PALM2AKAP2: variants seen among roughly 807,000 people sequenced by gnomAD.
PALM2AKAP2 encodes PALM2-AKAP2 fusion protein.
PALM2AKAP2 carries 37 observed loss-of-function variants against 71.5 expected under a neutral mutation model. The ratio of observed to expected loss-of-function variants is 0.52; its 90% CI spans 0.40 to 0.68. The LOEUF is 0.68. Among genes scored for constraint, PALM2AKAP2 ranks in the 30% least tolerant of loss-of-function variants. The pLI is 0.00. For missense variants in PALM2AKAP2, 1,224 were observed against 1,191.8 expected (o/e 1.03, Z -0.40); for synonymous variants, 468 against 478.8 (o/e 0.98, Z 0.29).
upstream of PALM2AKAP2, among the ~76,000 whole-genome samples, chr9:109,778,484 A>G (rs922298440): frequency 6.6e-6 from 1 of 152,244 alleles, no homozygotes; most frequent in African/African-American, 2.4e-5. Context: ...TTTGAAGAAA[A>G]GGATGGGCTT....
intron 1 of PALM2AKAP2, among the ~76,000 whole-genome samples, chr9:110,078,078 A>G (rs1345722206): frequency 6.6e-6 from 1 of 152,148 alleles, no homozygotes; most frequent in Non-Finnish European, 1.5e-5. Context: ...TCTCTGTTAT[A>G]ACTACATTTC....
At chr9:109,907,386 A>T (rs1463985508) in intron 3 of PALM2AKAP2, among the ~76,000 whole-genome samples, 2 of 152,086 alleles carry the variant, frequency 1.3e-5, no homozygotes, top group Non-Finnish European at 2.9e-5. Context: ...GACCTGAAAG[A>T]CTCATATTTC....
At chr9:110,008,318 C>A (rs941373814) in intron 6 of PALM2AKAP2, among the ~76,000 whole-genome samples, 4 of 151,982 alleles carry the variant, frequency 2.6e-5, no homozygotes, top group African/African-American at 9.7e-5. Flanking sequence ...AACCGTGCAA[C>A]TGGGCACAGT....
chr9:109,870,732 T>C (rs1829581852), intron 2 of PALM2AKAP2, among the ~76,000 whole-genome samples: 2 of 152,240 alleles, frequency 1.3e-5, no homozygotes, highest in South Asian at 4.1e-4. Flanking sequence ...TTTGGAATAA[T>C]TCATTTAGTG....
intron 2 of PALM2AKAP2, among the ~76,000 whole-genome samples, chr9:109,876,228 G>A (rs1414442046): frequency 1.3e-5 from 2 of 152,136 alleles, no homozygotes; most frequent in African/African-American, 2.4e-5. Flanking sequence ...AGCTAGCACA[G>A]TATAGGGGAC....
chr9:109,875,844 C>A (rs947732130), intron 2 of PALM2AKAP2, among the ~76,000 whole-genome samples: 1 of 152,186 alleles, frequency 6.6e-6, no homozygotes, highest in Non-Finnish European at 1.5e-5. Flanking sequence ...CCAGTAGAGC[C>A]AGAAACAGAT....
chr9:109,653,552 A>T (rs1827254630), intron 1 of PALM2AKAP2, among the ~76,000 whole-genome samples: 2 of 152,192 alleles, frequency 1.3e-5, no homozygotes, highest in Admixed American at 6.5e-5. Flanking sequence ...AGACATTAAT[A>T]ATAAGGTCTC....
intron 6 of PALM2AKAP2, among the ~76,000 whole-genome samples, chr9:109,971,683 C>CCCAGAGT (rs1832072131): frequency 6.6e-6 from 1 of 152,196 alleles, no homozygotes; most frequent in Admixed American, 6.5e-5. Context: ...GCCTCAGCCT[C>CCCAGAGT]CCAGAGTGCT....
intron 7 of PALM2AKAP2, among the ~76,000 whole-genome samples, chr9:110,027,610 G>C (rs1027383674): frequency 6.6e-6 from 1 of 152,194 alleles, no homozygotes; most frequent in African/African-American, 2.4e-5. Context: ...AAAACCGTTT[G>C]AAAAGGGTAC....
chr9:109,864,060 C>CA (rs60061350), intron 1 of PALM2AKAP2, among the ~76,000 whole-genome samples: 23,505 of 139,452 alleles, frequency 0.17, 1,996 homozygotes, highest in East Asian at 0.28. Context: ...GACTCTGTCT[C>CA]AAAAAAAAAA....
chr9:109,660,732 G>A (rs372129088), intron 1 of PALM2AKAP2, among the ~76,000 whole-genome samples: 3 of 152,240 alleles, frequency 2.0e-5, no homozygotes, highest in African/African-American at 7.2e-5. Flanking sequence ...GATCCTTGAG[G>A]AAACCCCACA....
At chr9:109,736,439 T>C (rs1162890630) in intron 1 of PALM2AKAP2, among the ~76,000 whole-genome samples, 1 of 152,186 alleles carries the variant, frequency 6.6e-6, no homozygotes, top group Non-Finnish European at 1.5e-5. Flanking sequence ...AGACCACCAC[T>C]CAGTCACTAT....
At chr9:109,760,065 C>A (rs1829027702) in intron 1 of PALM2AKAP2, among the ~76,000 whole-genome samples, 1 of 152,164 alleles carries the variant, frequency 6.6e-6, no homozygotes, top group Admixed American at 6.6e-5. Flanking sequence ...ACCCTCTTCA[C>A]CCTCAGCCCC....
intron 1 of PALM2AKAP2, among the ~76,000 whole-genome samples, chr9:109,774,047 T>C (rs1829313495): frequency 6.6e-6 from 1 of 152,234 alleles, no homozygotes; most frequent in Admixed American, 6.5e-5. Flanking sequence ...ATCCCTCCAC[T>C]GCCAACCCCG....
chr9:109,807,158 A>T (rs73533218), intron 1 of PALM2AKAP2, among the ~76,000 whole-genome samples: 2 of 152,006 alleles, frequency 1.3e-5, no homozygotes, highest in Non-Finnish European at 2.9e-5. Context: ...GAGAAAAAAA[A>T]GTCCAGAATG....
intron 1 of PALM2AKAP2, among the ~76,000 whole-genome samples, chr9:110,121,143 C>G (rs1326609333): frequency 6.6e-6 from 1 of 152,126 alleles, no homozygotes; most frequent in Non-Finnish European, 1.5e-5. Context: ...CATCATTTTC[C>G]CCTTAATAAA....
chr9:109,885,709 T>A (rs945823414), intron 3 of PALM2AKAP2, among the ~76,000 whole-genome samples: 7 of 152,208 alleles, frequency 4.6e-5, no homozygotes, highest in Admixed American at 3.3e-4. Context: ...CTTTGGGGAT[T>A]CCTGTAGGTG....
chr9:110,106,114 C>A (rs1835115047), intron 1 of PALM2AKAP2, among the ~76,000 whole-genome samples: 1 of 152,214 alleles, frequency 6.6e-6, no homozygotes, highest in South Asian at 2.1e-4. Context: ...GCTACATCTG[C>A]ATAATTTTGC....
chr9:109,963,379 T>C (rs1831887065), intron 6 of PALM2AKAP2, among the ~76,000 whole-genome samples: 1 of 152,202 alleles, frequency 6.6e-6, no homozygotes, highest in Non-Finnish European at 1.5e-5. Context: ...CTGTATTGAT[T>C]CACACAAGGA....
Sources: gnomAD v4.1 joint callset for allele counts (sites outside exome capture counted in the v4.1 genomes callset) on GRCh38, gnomAD v4.1.1 for gene constraint, MANE v1.5 for transcripts, NCBI Gene and HGNC (gene_info 2026-07-23, HGNC 2026-07-21) for gene names.